PTPRN2: variants seen among roughly 807,000 people sequenced by gnomAD.
PTPRN2 encodes protein tyrosine phosphatase receptor type N2, also known as receptor-type tyrosine-protein phosphatase N2.
In PTPRN2, 74 loss-of-function variants were observed where a neutral mutation model predicts 118.8. The observed-to-expected ratio is 0.62, with a 90% CI of 0.52 to 0.76. The LOEUF is 0.76. Among genes scored for constraint, PTPRN2 ranks in the 30% least tolerant of loss-of-function variants. The pLI is 0.00. For synonymous variants in PTPRN2, 641 were observed against 608.0 expected, an observed-to-expected ratio of 1.05 and a Z score of -0.80; for missense variants, 1,481 against 1,394.4, an observed-to-expected ratio of 1.06 and a Z score of -0.99.
intron 2 of PTPRN2, among the ~76,000 whole-genome samples, chr7:158,383,021 T>C (rs910817729): frequency 2.0e-5 from 3 of 152,146 alleles, no homozygotes; most frequent in African/African-American, 7.2e-5. Context: ...GACCACTGTC[T>C]TACAGCCTAT....
chr7:158,327,450 C>A (rs1803730808), intron 2 of PTPRN2, among the ~76,000 whole-genome samples: 1 of 150,422 alleles, frequency 6.6e-6, no homozygotes, highest in Admixed American at 6.7e-5. Context: ...CATGCACACA[C>A]CTGCTCACAC....
At chr7:158,492,394 G>A (rs755300990) in intron 1 of PTPRN2, among the ~76,000 whole-genome samples, 1 of 152,198 alleles carries the variant, frequency 6.6e-6, no homozygotes, top group South Asian at 2.1e-4. Context: ...GCTAGGAGAG[G>A]CACCGGGAAG....
In PTPRN2 at chr7:157,622,695, C is replaced by T. The variant is rs2150645444; in HGVS notation, c.2197-1186G>A. On this transcript the variant is annotated intron_variant, in intron 14 of 22. Transcript: ENST00000389418. This position sits in a 1 kb window ranked among gnomAD's most constrained non-coding sequence, Gnocchi z 5.3. ...GCACCTGTGCTGTTTGCGCGACACC[C>T]CCGCATCTGGGTGGGTGTGGTGGTG... Among the ~76,000 whole-genome samples the T allele has an allele frequency of 6.6e-6, 1 of 152,326 alleles. No homozygotes were observed. The highest frequency in any genetic ancestry group is 2.1e-4 in the South Asian group (1 of 4,830).
chr7:157,931,350 T>A (rs1300221630), intron 11 of PTPRN2, among the ~76,000 whole-genome samples: 1 of 152,260 alleles, frequency 6.6e-6, no homozygotes, highest in Non-Finnish European at 1.5e-5. Flanking sequence ...CAGTGGGCAC[T>A]GCTGCTTCCA....
chr7:157,757,895 C>T (rs1309428319), intron 12 of PTPRN2, among the ~76,000 whole-genome samples: 4 of 152,208 alleles, frequency 2.6e-5, no homozygotes, highest in Admixed American at 6.5e-5. Context: ...CCCGAGACAC[C>T]GCGCACAAGA....
At chr7:157,899,307 G>C (rs1365534105) in intron 11 of PTPRN2, among the ~76,000 whole-genome samples, 3 of 152,148 alleles carry the variant, frequency 2.0e-5, no homozygotes, top group Non-Finnish European at 4.4e-5. Flanking sequence ...AAGACTTTCA[G>C]AGAATGAATT....
intron 3 of PTPRN2, among the ~76,000 whole-genome samples, chr7:158,228,392 C>T (rs1028820929): frequency 2.6e-5 from 4 of 152,098 alleles, no homozygotes; most frequent in African/African-American, 9.7e-5. Flanking sequence ...TTCTGAGCAA[C>T]ATCAGAAGCT....
chr7:157,562,498 T>A (rs1402238221), intron 21 of PTPRN2, among the ~76,000 whole-genome samples: 1 of 152,204 alleles, frequency 6.6e-6, no homozygotes. Context: ...TTGTAAACTT[T>A]ATCCAATTTT....
intron 12 of PTPRN2, among the ~76,000 whole-genome samples, chr7:157,755,758 GA>G (rs35536795): frequency 6.6e-5 from 10 of 151,326 alleles, no homozygotes; most frequent in Non-Finnish European, 1.2e-4. Context: ...GGGAAGGAGT[GA>G]AAAAAAACCA....
At chr7:158,543,172 A>C (rs915551247) in intron 1 of PTPRN2, among the ~76,000 whole-genome samples, 3 of 152,256 alleles carry the variant, frequency 2.0e-5, no homozygotes, top group Non-Finnish European at 2.9e-5. Context: ...AACAAAACTG[A>C]GGCCCAAAGA....
chr7:157,602,329 T>G (rs762495484), intron 16 of PTPRN2, among the ~76,000 whole-genome samples: 1 of 152,234 alleles, frequency 6.6e-6, no homozygotes, highest in Non-Finnish European at 1.5e-5. Context: ...CTTCCCAGCG[T>G]GCTTTATCCC....
At chr7:158,215,344 C>T (rs182971166) in intron 3 of PTPRN2, among the ~76,000 whole-genome samples, 9 of 152,104 alleles carry the variant, frequency 5.9e-5, no homozygotes. Flanking sequence ...AGTAGAAAAA[C>T]ATGATAAAGC....
intron 2 of PTPRN2, among the ~76,000 whole-genome samples, chr7:158,351,443 C>G (rs1807926278): frequency 6.6e-6 from 1 of 152,212 alleles, no homozygotes; most frequent in Non-Finnish European, 1.5e-5. Flanking sequence ...TACACTGTAC[C>G]TGCTTTCCTT....
chr7:157,677,501 C>A (rs772220524), intron 13 of PTPRN2, among the ~76,000 whole-genome samples: 2 of 152,092 alleles, frequency 1.3e-5, no homozygotes, highest in Non-Finnish European at 2.9e-5. Flanking sequence ...TTGGGCAAAA[C>A]GGCAGGATGT....
intron 1 of PTPRN2, among the ~76,000 whole-genome samples, chr7:158,518,758 G>C (rs1453602027): frequency 6.6e-6 from 1 of 152,190 alleles, no homozygotes; most frequent in Non-Finnish European, 1.5e-5. Context: ...GCTGAAACAG[G>C]TGAATTGCTT....
chr7:158,440,793 G>GATA (rs1816957121), intron 2 of PTPRN2, among the ~76,000 whole-genome samples: 1 of 131,798 alleles, frequency 7.6e-6, no homozygotes. Flanking sequence ...TGGTGATGGG[G>GATA]GTGGTAGTGG....
chr7:158,189,906 G>C (rs892315916), intron 5 of PTPRN2, among the ~76,000 whole-genome samples: 3 of 152,162 alleles, frequency 2.0e-5, no homozygotes, highest in Admixed American at 1.3e-4. Flanking sequence ...ACGTTCAAGA[G>C]GGTGGGAGAA....
intron 6 of PTPRN2, among the ~76,000 whole-genome samples, chr7:158,163,986 C>T (rs62480763): frequency 0.018 from 2,725 of 152,324 alleles, 36 homozygotes; most frequent in Middle Eastern, 0.041. Context: ...TTTTCTAAAG[C>T]GCACAGTGCA....
At chr7:158,136,276 G>A (rs1343334437) in intron 8 of PTPRN2, among the ~76,000 whole-genome samples, 1 of 152,250 alleles carries the variant, frequency 6.6e-6, no homozygotes, top group Admixed American at 6.5e-5. Flanking sequence ...GGACAGCCAG[G>A]TGTGAGTGAG....
Sources: allele counts gnomAD v4.1 joint callset (sites outside exome capture counted in the v4.1 genomes callset), GRCh38; gene constraint gnomAD v4.1.1; non-coding constraint Gnocchi (gnomAD v3.1); transcripts MANE v1.5; gene names NCBI Gene and HGNC (gene_info 2026-07-23, HGNC 2026-07-21).